Variants in PTBP3 observed in about 807,000 individuals in gnomAD.
The protein encoded by PTBP3 is polypyrimidine tract binding protein 3, also known as polypyrimidine tract-binding protein 3.
PTBP3 carries 20 observed loss-of-function variants against 58.7 expected under a neutral mutation model. The observed-to-expected ratio is 0.34, with a 90% CI of 0.24 to 0.50. The LOEUF (loss-of-function observed/expected upper bound fraction) is 0.50, where lower values mean the gene tolerates loss of function less well. PTBP3 is among the 20% of genes least tolerant of loss of function. The pLI, the probability that PTBP3 is intolerant of heterozygous loss-of-function variation, is 0.98. For synonymous variants in PTBP3, 185 were observed against 219.8 expected (o/e 0.84, Z 1.40); for missense variants, 509 against 637.2 (o/e 0.80, Z 2.17).
intron 2 of PTBP3, among the ~76,000 whole-genome samples, chr9:112,296,488 C>T (rs1465927719): frequency 6.6e-6 from 1 of 152,064 alleles, no homozygotes; most frequent in Non-Finnish European, 1.5e-5. Context: ...TTCCCATGGT[C>T]CCAAACACCA....
At chr9:112,241,858 G>A (rs781384962) in intron 7 of PTBP3, among the ~76,000 whole-genome samples, 8 of 152,110 alleles carry the variant, frequency 5.3e-5, no homozygotes, top group Non-Finnish European at 7.3e-5. Context: ...TCACACTATA[G>A]ATTAGTTTGC....
At chr9:112,333,886 C>T (rs1335265588), upstream of PTBP3, among the ~76,000 whole-genome samples, 1 of 149,610 alleles carries the variant, frequency 6.7e-6, no homozygotes, top group African/African-American at 2.4e-5. Context: ...AGCCTCCCTC[C>T]TGCGTTCGCG....
the PTBP3 span, among the ~76,000 whole-genome samples, chr9:112,349,863 C>CAAAAAAAAAAAAAAAAAAAAA: frequency 4.0e-5 from 2 of 49,696 alleles, no homozygotes; most frequent in African/African-American, 9.1e-5. Flanking sequence ...GACTCTGTCT[C>CAAAAAAAAAAAAAAAAAAAAA]AAAAAAAAAA....
intron 3 of PTBP3, among the ~76,000 whole-genome samples, chr9:112,271,980 T>C (rs1044805051): frequency 6.6e-6 from 1 of 152,170 alleles, no homozygotes; most frequent in Non-Finnish European, 1.5e-5. Context: ...TTGACATTTA[T>C]ATTTTATAGT....
chr9:112,296,134 C>T (rs1306465959), intron 2 of PTBP3, among the ~76,000 whole-genome samples: 2 of 152,094 alleles, frequency 1.3e-5, no homozygotes, highest in African/African-American at 2.4e-5. Flanking sequence ...TTGGACGCCC[C>T]TGAATTCGAT....
chr9:112,323,030 T>C (rs1564463763), intron 1 of PTBP3, among the ~76,000 whole-genome samples: 1 of 152,204 alleles, frequency 6.6e-6, no homozygotes, highest in South Asian at 2.1e-4. Flanking sequence ...GGAAGATCAC[T>C]TGAGGCCAGG....
In PTBP3 at chr9:112,302,582, C is replaced by CTTTTTTTTTTTTTTTT. The variant is rs369208342; in HGVS notation, c.-51-4682_-51-4667dup. 5.2e-4 allele frequency among the ~76,000 whole-genome samples: 57 copies of CTTTTTTTTTTTTTTTT among 110,488 alleles called. 2 individuals are homozygous for CTTTTTTTTTTTTTTTT. The highest frequency in any genetic ancestry group is 1.7e-3 in the African/African-American group (54 of 31,138). The allele number at this position is 110,488 out of a possible 152,430, so 72.5% of individuals were successfully genotyped here. A position where few individuals can be genotyped will look rare whatever the true frequency, so the allele number is the denominator to read the frequency against. On this transcript the variant is annotated intron_variant, in intron 1 of 13. Coordinates refer to ENST00000374257, the MANE Select transcript of PTBP3 (RefSeq NM_001163788.4). ...CCCAAAAGCTGACTATATTCTTCAT[C>CTTTTTTTTTTTTTTTT]TTTTTTTTTTTTTTTTTTTTTTTGG...
At chr9:112,243,817 A>G (rs962179467) in intron 7 of PTBP3, among the ~76,000 whole-genome samples, 8 of 152,244 alleles carry the variant, frequency 5.3e-5, no homozygotes, top group Admixed American at 3.9e-4. Flanking sequence ...ACATGAGCAC[A>G]TTTAATCTTC....
chr9:112,277,897 A>G (rs868853304), intron 2 of PTBP3, among the ~76,000 whole-genome samples: 6 of 67,232 alleles, frequency 8.9e-5, no homozygotes, highest in African/African-American at 2.1e-4. Flanking sequence ...ATAACATAAC[A>G]TAACATAACA....
chr9:112,350,597 T>C, the PTBP3 span, among the ~76,000 whole-genome samples: 2 of 152,174 alleles, frequency 1.3e-5, no homozygotes, highest in African/African-American at 4.8e-5. Context: ...GATGGTAGTC[T>C]AGGAAAATAA....
rs267602089 is a variant in PTBP3 at position 112,297,850 on chromosome 9, G to A, written c.16C>T (p.Pro6Ser). The change falls in exon 2 of 14, where the codon CCT (proline) becomes TCT (serine). Residue 6 changes from proline (P) to serine (S), a missense_variant. Around this residue, in one of 4 missense-constraint regions of PTBP3, gnomAD observed 212 missense variants for 215.3 expected, o/e 0.98. Coordinates refer to ENST00000374257, the MANE Select transcript of PTBP3 (RefSeq NM_001163788.4). MNSSTPSTGVYANGND... is the reference protein window; with the variant it reads MNSSTSSTGVYANGND... Reference sequence around the variant, plus strand: ...AACTCACCATACACACCTGTAGAAGGAGTAGAACTATTCATGGTAAAAGGT... The same window carrying A: ...AACTCACCATACACACCTGTAGAAGAAGTAGAACTATTCATGGTAAAAGGT... 6.2e-7 allele frequency: 1 copy of A among 1,607,232 alleles called. No homozygotes were observed. The highest frequency in any genetic ancestry group is 1.7e-5 in the Admixed American group (1 of 59,176).
At chr9:112,331,692 T>C (rs1234165042) in intron 1 of PTBP3, among the ~76,000 whole-genome samples, 1 of 152,250 alleles carries the variant, frequency 6.6e-6, no homozygotes, top group Non-Finnish European at 1.5e-5. Context: ...AACTTCCAAA[T>C]GAACTTACCT....
chr9:112,273,603 G>A (rs930024914), intron 3 of PTBP3, among the ~76,000 whole-genome samples: 1 of 152,152 alleles, frequency 6.6e-6, no homozygotes, highest in African/African-American at 2.4e-5. Context: ...AAAATTTCAT[G>A]TGCTAAAATA....
intron 6 of PTBP3, chr9:112,252,448 G>A (rs1285786234): frequency 8.1e-6 from 4 of 493,696 alleles, no homozygotes; most frequent in South Asian, 6.7e-5. Flanking sequence ...CAGGACCTGC[G>A]TCTCAGAGAT....
At chr9:112,288,614 T>C (rs1828244971) in intron 2 of PTBP3, among the ~76,000 whole-genome samples, 1 of 152,196 alleles carries the variant, frequency 6.6e-6, no homozygotes. Context: ...TTCTCCACTG[T>C]CTAAAAACAA....
chr9:112,368,327 C>T, the PTBP3 span, among the ~76,000 whole-genome samples: 3 of 152,166 alleles, frequency 2.0e-5, no homozygotes, highest in African/African-American at 7.2e-5. Flanking sequence ...TGCGCCACCA[C>T]ACCCAGCTAA....
In PTBP3 at chr9:112,223,265, A is replaced by G. The variant is rs1834864127; in HGVS notation, c.*586T>C. The G allele has an allele frequency of 1.1e-6, 1 of 944,748 alleles. No homozygotes were observed. Among genetic ancestry groups the G allele is most frequent in the African/African-American group, 1.8e-5 (1 of 56,372 alleles). 58.5% of individuals were successfully genotyped at this position (944,748 alleles called of 1,614,324 possible). ...TTACAGTGAAAAAAAGAAATCATTCAAAGAAAACATGCAGGTTTATAAATC... is the reference window on the plus strand; with the variant it reads ...TTACAGTGAAAAAAAGAAATCATTCGAAGAAAACATGCAGGTTTATAAATC... On this transcript the variant is annotated 3_prime_UTR_variant, in exon 14 of 14. Transcript: ENST00000374257.
At chr9:112,363,416 G>A in the PTBP3 span, among the ~76,000 whole-genome samples, 10 of 151,790 alleles carry the variant, frequency 6.6e-5, no homozygotes, top group Admixed American at 6.6e-4. Flanking sequence ...TTACTCGGGA[G>A]GCTGAAGTGG....
chr9:112,244,296 A>AAAAAAAAAAAAAAAAAAAG (rs1835787520), intron 7 of PTBP3, among the ~76,000 whole-genome samples: 1 of 146,626 alleles, frequency 6.8e-6, no homozygotes, highest in African/African-American at 2.5e-5. Flanking sequence ...TCTCAAAAAA[A>AAAAAAAAAAAAAAAAAAAG]AAAAAAAAAA....
Sources: gnomAD v4.1 joint callset for allele counts (sites outside exome capture counted in the v4.1 genomes callset) on GRCh38, gnomAD v4.1.1 for gene constraint, gnomAD v4.1.1 regional missense constraint, MANE v1.5 for transcripts, NCBI Gene and HGNC (gene_info 2026-07-23, HGNC 2026-07-21) for gene names.